Variants in TNC observed in about 807,000 individuals in gnomAD.
The protein encoded by TNC is tenascin C.
In TNC, 109 loss-of-function variants were observed where a neutral mutation model predicts 202.4. The observed-to-expected ratio is 0.54, with a 90% CI of 0.46 to 0.63. TNC has a LOEUF of 0.63. Ranked by LOEUF, TNC falls within the 30% of genes least tolerant of loss-of-function variation. The pLI is 0.00. For missense variants in TNC, 2,756 were observed against 2,833.3 expected, an observed-to-expected ratio of 0.97 and a Z score of 0.62; for synonymous variants, 1,007 against 1,089.7, an observed-to-expected ratio of 0.92 and a Z score of 1.50.
intron 1 of TNC, among the ~76,000 whole-genome samples, chr9:115,106,797 GC>G (rs1339693956): frequency 6.6e-6 from 1 of 152,150 alleles, no homozygotes; most frequent in East Asian, 1.9e-4. Flanking sequence ...TTTCAGAGGG[GC>G]TGGAAATTAC....
intron 10 of TNC, among the ~76,000 whole-genome samples, chr9:115,068,414 C>G (rs1344691477): frequency 1.3e-5 from 2 of 152,174 alleles, no homozygotes; most frequent in East Asian, 1.9e-4. Flanking sequence ...TAGTGATTAC[C>G]AAGTGCTGGC....
At chr9:115,095,448 A>G (rs1299915856) in intron 1 of TNC, among the ~76,000 whole-genome samples, 1 of 101,732 alleles carries the variant, frequency 9.8e-6, no homozygotes, top group Non-Finnish European at 2.0e-5. Flanking sequence ...TGGTATGTGT[A>G]TATATATATG....
intron 1 of TNC, among the ~76,000 whole-genome samples, chr9:115,111,864 C>T (rs1458050525): frequency 2.0e-5 from 3 of 152,104 alleles, no homozygotes; most frequent in African/African-American, 7.2e-5. Flanking sequence ...CCAACAACCA[C>T]ATCAACAAGC....
At chr9:115,074,188 A>T (rs1459044297) in intron 9 of TNC, among the ~76,000 whole-genome samples, 3 of 152,202 alleles carry the variant, frequency 2.0e-5, no homozygotes, top group African/African-American at 7.2e-5. Context: ...GAATCTCGAG[A>T]GAATTATGCT....
chr9:115,027,608 CAAAT>C (rs1041981154), intron 25 of TNC, among the ~76,000 whole-genome samples: 3 of 152,022 alleles, frequency 2.0e-5, no homozygotes, highest in African/African-American at 4.8e-5. Flanking sequence ...AACAAACAAA[CAAAT>C]AAAATTTTGT....
intron 16 of TNC, 61 bp downstream of exon 16, chr9:115,048,199 A>G (rs763172773): frequency 6.4e-7 from 1 of 1,573,494 alleles, no homozygotes. Context: ...GCGATCCGGT[A>G]GACAGATTAC....
Position 115,086,854 on chromosome 9 carries a change from G to T in TNC, c.877C>A (p.Arg293=). 6.2e-7 allele frequency: 1 copy of T among 1,614,168 alleles called. No homozygotes were observed. Among genetic ancestry groups the T allele is most frequent in the Non-Finnish European group, 8.5e-7 (1 of 1,180,036 alleles). ...LCLNNCYNRG[R]CVENECVCDE... is the part of the protein sequence containing the mutation. ...CACACGCACTCATTCTCCACGCATC[G>T]TCCACGGTTGTAGCAATTGTTGAGA... The change falls in exon 3 of 28, where the codon CGA becomes AGA. Residue 293 remains arginine (R), a synonymous_variant. Coordinates refer to ENST00000350763, the MANE Select transcript of TNC (RefSeq NM_002160.4).
chr9:115,048,663 A>G, intron 15 of TNC, 131 bp from the exon 16 acceptor site: 1 of 938,492 alleles, frequency 1.1e-6, no homozygotes, highest in Non-Finnish European at 1.6e-6. Flanking sequence ...TAGAAAATGA[A>G]AATTCAGTAA....
intron 15 of TNC, chr9:115,053,158 C>T: frequency 3.4e-6 from 2 of 593,048 alleles, no homozygotes; most frequent in Non-Finnish European, 6.0e-6. Context: ...GCTGTGTCTA[C>T]ACCTGCATTG....
intron 15 of TNC, chr9:115,052,961 A>C (rs1015078576): frequency 1.4e-6 from 1 of 702,578 alleles, no homozygotes; most frequent in African/African-American, 1.7e-5. Context: ...TGACATGTTG[A>C]AGCTTTTTGG....
chr9:115,032,674 G>T (rs926969303), intron 22 of TNC, among the ~76,000 whole-genome samples: 1 of 152,204 alleles, frequency 6.6e-6, no homozygotes, highest in Non-Finnish European at 1.5e-5. Context: ...GGGATCTCTT[G>T]AGTTAGGAGA....
At chr9:115,038,859 A>C (rs1830529331) in intron 19 of TNC, among the ~76,000 whole-genome samples, 1 of 150,712 alleles carries the variant, frequency 6.6e-6, no homozygotes, top group Non-Finnish European at 1.5e-5. Context: ...ACAGACTGTC[A>C]CTCTGTCGCC....
intron 3 of TNC, among the ~76,000 whole-genome samples, chr9:115,085,155 A>C (rs1834611662): frequency 6.6e-6 from 1 of 152,234 alleles, no homozygotes; most frequent in South Asian, 2.1e-4. Context: ...TTTTCACTTA[A>C]CCAGGGTTTA....
At chr9:115,027,227 C>A (rs1355800156) in intron 25 of TNC, among the ~76,000 whole-genome samples, 2 of 152,130 alleles carry the variant, frequency 1.3e-5, no homozygotes, top group Non-Finnish European at 2.9e-5. Context: ...TTTTGCCCCA[C>A]TTCCAACCTC....
intron 10 of TNC, among the ~76,000 whole-genome samples, chr9:115,065,392 T>A (rs1188422052): frequency 6.6e-6 from 1 of 152,172 alleles, no homozygotes; most frequent in East Asian, 1.9e-4. Context: ...TGAGACTCTG[T>A]CTCAAAACAA....
Position 115,020,730 on chromosome 9 carries a change from A to G in TNC, c.*427T>C, listed in dbSNP as rs1191962144. 1.8e-5 allele frequency: 5 copies of G among 284,110 alleles called. No individual in the cohort carries two copies. The highest frequency in any genetic ancestry group is 2.8e-5 in the Non-Finnish European group (4 of 141,848). 17.6% of individuals were successfully genotyped at this position (284,110 alleles called of 1,614,324 possible). A position where few individuals can be genotyped will look rare whatever the true frequency, so the allele number is the denominator to read the frequency against. On this transcript the variant is annotated 3_prime_UTR_variant, in exon 28 of 28. Transcript: ENST00000350763. ...GTTTCTGTTGTATGAAATGTAAAAA[A>G]AGGGATGGCTTCCAATGACACATTT...
intron 10 of TNC, among the ~76,000 whole-genome samples, chr9:115,065,396 A>AAAAC (rs1411281939): frequency 6.6e-6 from 1 of 152,146 alleles, no homozygotes; most frequent in East Asian, 1.9e-4. Flanking sequence ...ACTCTGTCTC[A>AAAAC]AAACAAACAA....
chr9:115,023,037 C>CAA (rs112725157), intron 27 of TNC, among the ~76,000 whole-genome samples: 2,744 of 122,092 alleles, frequency 0.022, 79 homozygotes, highest in African/African-American at 0.061. Context: ...TGCAAATATG[C>CAA]AAAAAAAAAA....
At position 115,086,858 on chromosome 9, in the gene TNC, A is replaced by C. The variant is rs776468615; in HGVS notation, c.873T>G (p.Arg291=). 13 of 1,613,866 alleles carry C rather than the reference A, an allele frequency of 8.1e-6. No homozygotes were observed. Among genetic ancestry groups the C allele is most frequent in the Middle Eastern group, 1.6e-4 (1 of 6,082 alleles). ...CGCACTCATTCTCCACGCATCGTCC[A>C]CGGTTGTAGCAATTGTTGAGACACA... The part of the protein sequence containing the change: ...KPLCLNNCYN[R]GRCVENECVC... Residue 291 remains arginine (R), a synonymous_variant, in exon 3 of 28, where the codon CGT becomes CGG. Transcript: ENST00000350763.
Sources: allele counts gnomAD v4.1 joint callset (sites outside exome capture counted in the v4.1 genomes callset), GRCh38; gene constraint gnomAD v4.1.1; transcripts MANE v1.5; gene names NCBI Gene and HGNC (gene_info 2026-07-23, HGNC 2026-07-21).